The following HDAC9 variants were observed in gnomAD, a reference collection of about 807,000 sequenced individuals.
The protein encoded by HDAC9 is histone deacetylase 9.
Under a neutral mutation model 139.4 loss-of-function variants are expected in HDAC9, and 41 were observed. That is an observed-to-expected ratio of 0.29 (90% CI 0.23 to 0.38). The LOEUF (loss-of-function observed/expected upper bound fraction) is 0.38, where lower values mean the gene tolerates loss of function less well. Among genes scored for constraint, HDAC9 ranks in the 10% least tolerant of loss-of-function variants. HDAC9 has a pLI of 1.00. For synonymous variants in HDAC9, 517 were observed against 476.2 expected (o/e 1.09, Z -1.12); for missense variants, 1,147 against 1,297.0 (o/e 0.88, Z 1.78).
intron 8 of HDAC9, among the ~76,000 whole-genome samples, chr7:18,643,520 A>G (rs1786391880): frequency 1.3e-5 from 2 of 152,052 alleles, no homozygotes; most frequent in South Asian, 4.1e-4. Flanking sequence ...CAAACGTATG[A>G]TTGAGATGAT....
intron 2 of HDAC9, among the ~76,000 whole-genome samples, chr7:18,262,369 A>G (rs1456397761): frequency 6.6e-6 from 1 of 152,226 alleles, no homozygotes; most frequent in African/African-American, 2.4e-5. Flanking sequence ...CTATCAAGCA[A>G]AAGTTCTATC....
At chr7:18,857,213 T>A (rs1279781747) in intron 21 of HDAC9, among the ~76,000 whole-genome samples, 3 of 152,154 alleles carry the variant, frequency 2.0e-5, no homozygotes. Flanking sequence ...TATTTTTTTT[T>A]AACTGTGTTG....
At chr7:18,837,160 CA>C (rs1796293312) in intron 21 of HDAC9, among the ~76,000 whole-genome samples, 1 of 151,142 alleles carries the variant, frequency 6.6e-6, no homozygotes, top group Non-Finnish European at 1.5e-5. Context: ...GCTTGGCATT[CA>C]AGATACAAAG....
intron 17 of HDAC9, among the ~76,000 whole-genome samples, chr7:18,796,016 A>G (rs1033878527): frequency 1.3e-5 from 2 of 152,240 alleles, no homozygotes; most frequent in South Asian, 2.1e-4. Flanking sequence ...TTCTGCATCT[A>G]CATTCAGTTC....
At chr7:18,357,090 C>T (rs1260804176) in intron 1 of HDAC9, among the ~76,000 whole-genome samples, 2 of 152,002 alleles carry the variant, frequency 1.3e-5, no homozygotes, top group South Asian at 2.1e-4. Flanking sequence ...TTAAAAATAC[C>T]TGGAAATTTA....
At chr7:18,733,946 T>A (rs146692253) in intron 13 of HDAC9, among the ~76,000 whole-genome samples, 100 of 152,300 alleles carry the variant, frequency 6.6e-4, no homozygotes, top group Middle Eastern at 6.8e-3. Context: ...CTTGTTAATT[T>A]AAAAAAATCA....
chr7:18,247,295 C>T (rs987808837), intron 2 of HDAC9, among the ~76,000 whole-genome samples: 3 of 151,762 alleles, frequency 2.0e-5, no homozygotes, highest in Non-Finnish European at 4.4e-5. Flanking sequence ...GAAGAGGCCA[C>T]GTGGTGAGCA....
At chr7:18,446,817 A>G (rs185785362) in intron 1 of HDAC9, among the ~76,000 whole-genome samples, 2 of 152,338 alleles carry the variant, frequency 1.3e-5, no homozygotes, top group Admixed American at 1.3e-4. Flanking sequence ...GTTAAAAGCT[A>G]TAAATACTTT....
At chr7:18,585,986 C>G (rs1413905849) in intron 3 of HDAC9, among the ~76,000 whole-genome samples, 2 of 152,088 alleles carry the variant, frequency 1.3e-5, no homozygotes, top group African/African-American at 4.8e-5. Context: ...CTGAGTATGT[C>G]CGACTCTTCC....
At chr7:18,136,448 A>C (rs1211226136) in intron 1 of HDAC9, among the ~76,000 whole-genome samples, 1 of 151,924 alleles carries the variant, frequency 6.6e-6, no homozygotes, top group Non-Finnish European at 1.5e-5. Flanking sequence ...TCTAACGTTT[A>C]AGTCTTTAAT....
chr7:18,499,787 A>C (rs1312328809), intron 2 of HDAC9, among the ~76,000 whole-genome samples: 12 of 152,284 alleles, frequency 7.9e-5, no homozygotes, highest in African/African-American at 2.9e-4. Flanking sequence ...TAAAAGAAAA[A>C]CATTTAAATC....
chr7:18,340,963 T>C (rs1781959908), intron 1 of HDAC9, among the ~76,000 whole-genome samples: 1 of 151,546 alleles, frequency 6.6e-6, no homozygotes, highest in African/African-American at 2.4e-5. Context: ...CCATTTTCTG[T>C]AAGATATTTT....
At chr7:18,548,895 A>G (rs895788649) in intron 2 of HDAC9, among the ~76,000 whole-genome samples, 1 of 152,220 alleles carries the variant, frequency 6.6e-6, no homozygotes, top group Non-Finnish European at 1.5e-5. Flanking sequence ...GGTATTGGGA[A>G]TGTAAAATGA....
rs575833925 is a variant in HDAC9, at chr7:18,547,976, C to T, written c.23-37305C>T. ...GTGGTTTGGTTCAAGAGGCCTTGCT[C>T]TCCACCTGTCTTGGCTGTCAACATG... is the stretch of plus-strand genomic sequence containing the variant. On this transcript the variant is annotated intron_variant, in intron 2 of 25. Transcript: ENST00000686413. 2.6e-5 allele frequency among the ~76,000 whole-genome samples: 4 copies of T among 151,246 alleles called. No homozygotes were observed. In the South Asian group the frequency reaches 8.4e-4, roughly 32 times the overall value.
chr7:18,560,459 C>T (rs1215300435), intron 2 of HDAC9, among the ~76,000 whole-genome samples: 15 of 152,328 alleles, frequency 9.8e-5, no homozygotes, highest in Admixed American at 3.3e-4. Flanking sequence ...GTGCTACCAA[C>T]ATCCCCTGTA....
At chr7:18,185,518 A>T (rs1278902137) in intron 2 of HDAC9, among the ~76,000 whole-genome samples, 1 of 152,244 alleles carries the variant, frequency 6.6e-6, no homozygotes, top group East Asian at 1.9e-4. Flanking sequence ...TTAAGTTATG[A>T]AAACTAAACT....
At chr7:18,273,679 C>G (rs1219640865) in intron 2 of HDAC9, among the ~76,000 whole-genome samples, 1 of 152,090 alleles carries the variant, frequency 6.6e-6, no homozygotes, top group Non-Finnish European at 1.5e-5. Context: ...AAGCACTAAT[C>G]TCAAAGGAAG....
intron 16 of HDAC9, among the ~76,000 whole-genome samples, chr7:18,786,585 G>GCTTCCTTCCTTC (rs34314311): frequency 0.013 from 698 of 53,092 alleles, 20 homozygotes; most frequent in African/African-American, 0.025. Flanking sequence ...TGGCTGGCTG[G>GCTTCCTTCCTTC]CTTCCTTCCT....
intron 14 of HDAC9, among the ~76,000 whole-genome samples, chr7:18,751,092 A>C (rs1333226337): frequency 1.3e-5 from 2 of 152,184 alleles, no homozygotes; most frequent in Admixed American, 1.3e-4. Flanking sequence ...AAAATTAGAA[A>C]GTCTATTATC....
Sources: gnomAD v4.1 joint callset for allele counts (sites outside exome capture counted in the v4.1 genomes callset) on GRCh38, gnomAD v4.1.1 for gene constraint, MANE v1.5 for transcripts, NCBI Gene and HGNC (gene_info 2026-07-23, HGNC 2026-07-21) for gene names.